The following STRBP variants were observed in gnomAD, a reference collection of about 807,000 sequenced individuals.
The protein encoded by STRBP is spermatid perinuclear RNA binding protein.
A neutral mutation model predicts 80.1 loss-of-function variants in STRBP; 13 were observed. The observed-to-expected ratio is 0.16, with a 90% CI of 0.11 to 0.26. STRBP has a LOEUF of 0.26. Among genes scored for constraint, STRBP ranks in the 10% least tolerant of loss-of-function variants. The pLI, the probability that STRBP is intolerant of heterozygous loss-of-function variation, is 1.00. For synonymous variants in STRBP, 284 were observed against 291.2 expected, an observed-to-expected ratio of 0.98 and a Z score of 0.25; for missense variants, 485 against 815.2, an observed-to-expected ratio of 0.59 and a Z score of 4.93.
intron 11 of STRBP, among the ~76,000 whole-genome samples, chr9:123,154,178 T>C (rs543789152): frequency 6.6e-6 from 1 of 152,266 alleles, no homozygotes; most frequent in East Asian, 1.9e-4. Flanking sequence ...CGGTAAGTGG[T>C]TGTCAAAACT....
chr9:123,122,418 T>A lies in STRBP; in HGVS notation c.*3179A>T. ...ATTAATAATGGTGGCTGATTCATGA[T>A]TTTCAAACATTCACCCAAAATTAAA... is the stretch of plus-strand genomic sequence containing the variant. On this transcript the variant is annotated 3_prime_UTR_variant, in exon 19 of 19. Coordinates refer to ENST00000348403, the MANE Select transcript of STRBP (RefSeq NM_018387.5). The A allele has an allele frequency of 8.5e-7, 1 of 1,182,524 alleles. No individual in the cohort carries two copies. The highest frequency in any genetic ancestry group is 1.1e-6 in the Non-Finnish European group (1 of 942,468). The allele number at this position is 1,182,524 out of a possible 1,614,324, so 73.3% of individuals were successfully genotyped here.
chr9:123,261,321 A>C (rs2041157026), intron 1 of STRBP, among the ~76,000 whole-genome samples: 1 of 152,230 alleles, frequency 6.6e-6, no homozygotes, highest in Non-Finnish European at 1.5e-5. Context: ...TTGCTCAGCC[A>C]TCAATCTTCC....
Position 123,146,861 on chromosome 9 carries a change from C to T in STRBP, c.1332G>A (p.Ala444=), listed in dbSNP as rs550403018. 111 of 1,610,026 alleles carry T rather than the reference C, an allele frequency of 6.9e-5. No homozygotes were observed. Among genetic ancestry groups the T allele is most frequent in the Non-Finnish European group, 8.7e-5 (102 of 1,177,224 alleles). ...AGTAAAACAAATACTGTACCTTCAC[C>T]GCTACGTGAAGTTTTGCTGTTTTCT... ...PSKKTAKLHV[A]VKVLQAMGYP... The change falls in exon 13 of 19, where the codon GCG becomes GCA. Residue 444 remains alanine (A), a synonymous_variant. Transcript: ENST00000348403.
intron 1 of STRBP, among the ~76,000 whole-genome samples, chr9:123,238,274 T>G (rs773421279): frequency 1.7e-4 from 26 of 152,132 alleles, no homozygotes; most frequent in Non-Finnish European, 3.1e-4. Context: ...ATAGCAAGAC[T>G]CCCATTTCTA....
Position 123,126,093 on chromosome 9 carries a change from C to G in STRBP, c.1943-420G>C, listed in dbSNP as rs2035882815. The stretch of plus-strand genomic sequence containing the variant: ...TGCAGACCTCAGCTCCAGCTGGAGC[C>G]ATGGCCAGGCGTTTACTTAACTTCT... On this transcript the variant is annotated intron_variant, in intron 18 of 18. Transcript: ENST00000348403. This position sits in a 1 kb window ranked among gnomAD's most constrained non-coding sequence, Gnocchi z 4.4. Among the ~76,000 whole-genome samples the G allele has an allele frequency of 6.6e-6, 1 of 152,240 alleles. No homozygotes were observed. Among genetic ancestry groups the G allele is most frequent in the Non-Finnish European group, 1.5e-5 (1 of 68,042 alleles).
chr9:123,200,003 T>C (rs866884991), intron 2 of STRBP, among the ~76,000 whole-genome samples: 1 of 152,250 alleles, frequency 6.6e-6, no homozygotes, highest in Admixed American at 6.5e-5. Context: ...GGCTGTGCGT[T>C]AGTCATAGAC....
At chr9:123,259,304 C>T (rs546606243) in intron 1 of STRBP, among the ~76,000 whole-genome samples, 14 of 151,972 alleles carry the variant, frequency 9.2e-5, no homozygotes, top group Non-Finnish European at 2.1e-4. Flanking sequence ...AAAAGGGACA[C>T]GGGGAAGAGG....
chr9:123,249,486 A>T (rs542345074), intron 1 of STRBP, among the ~76,000 whole-genome samples: 16 of 151,654 alleles, frequency 1.1e-4, no homozygotes, highest in African/African-American at 3.1e-4. Context: ...CAAAAAAATT[A>T]AAAAACTAGC....
intron 2 of STRBP, among the ~76,000 whole-genome samples, chr9:123,203,790 G>C (rs1314737013): frequency 1.3e-5 from 2 of 152,066 alleles, no homozygotes; most frequent in Non-Finnish European, 2.9e-5. Context: ...TGACCAATAT[G>C]GTGAAACCCT....
At chr9:123,188,031 C>G (rs1056460570) in intron 2 of STRBP, among the ~76,000 whole-genome samples, 3 of 152,064 alleles carry the variant, frequency 2.0e-5, no homozygotes, top group African/African-American at 7.2e-5. Flanking sequence ...TTCCCACCTT[C>G]CCCACCCCCA....
chr9:123,256,020 T>C (rs1452851839), intron 1 of STRBP, among the ~76,000 whole-genome samples: 1 of 74,154 alleles, frequency 1.3e-5, no homozygotes, highest in Admixed American at 1.5e-4. Context: ...CTTTCTTTCT[T>C]TTTTTTTTTT....
At position 123,173,760 on chromosome 9, in the gene STRBP, A is replaced by G. The variant is rs756697661; in HGVS notation, c.307T>C (p.Leu103=). The G allele has an allele frequency of 1.2e-6, 2 of 1,613,888 alleles. No homozygotes were observed. Among genetic ancestry groups the G allele is most frequent in the African/African-American group, 2.7e-5 (2 of 74,918 alleles). The change falls in exon 5 of 19, where the codon TTG becomes CTG. Residue 103 remains leucine (L), a synonymous_variant. Coordinates refer to ENST00000348403, the MANE Select transcript of STRBP (RefSeq NM_018387.5). ...TCTTTGCACATTAAAACCAGCTCCA[A>G]GTCCATATCATCTTTAATCAGCAAG... The part of the protein sequence containing the change: ...KGLLIKDDMD[L]ELVLMCKDKP...
At chr9:123,229,388 T>C (rs1193957655) in intron 2 of STRBP, among the ~76,000 whole-genome samples, 1 of 152,100 alleles carries the variant, frequency 6.6e-6, no homozygotes, top group East Asian at 1.9e-4. Context: ...AGGAAGGAAA[T>C]TAAAAACAGT....
intron 6 of STRBP, among the ~76,000 whole-genome samples, chr9:123,164,260 T>C (rs1201446346): frequency 6.6e-6 from 1 of 152,160 alleles, no homozygotes; most frequent in Non-Finnish European, 1.5e-5. Context: ...TTGGCCAGAC[T>C]GGACTTGAAC....
At chr9:123,159,396 T>G (rs1372765310) in intron 8 of STRBP, among the ~76,000 whole-genome samples, 189 bp from the exon 9 acceptor site, 2 of 152,186 alleles carry the variant, frequency 1.3e-5, no homozygotes, top group Non-Finnish European at 2.9e-5. Flanking sequence ...AATCAAGCAA[T>G]TTTAAGATCG....
chr9:123,150,582 A>C (rs932462277), intron 11 of STRBP, among the ~76,000 whole-genome samples: 5 of 152,150 alleles, frequency 3.3e-5, no homozygotes, highest in African/African-American at 1.2e-4. Flanking sequence ...TGTTTTCTTA[A>C]ATAAATAAAT....
At chr9:123,234,019 T>C (rs1254814900) in intron 2 of STRBP, among the ~76,000 whole-genome samples, 2 of 151,630 alleles carry the variant, frequency 1.3e-5, no homozygotes, top group East Asian at 3.9e-4. Context: ...GCTAATACGG[T>C]GAAATCCCGT....
chr9:123,158,504 G>A, intron 9 of STRBP, 75 bp from the exon 10 acceptor site: 1 of 1,287,704 alleles, frequency 7.8e-7, no homozygotes, highest in South Asian at 1.3e-5. Flanking sequence ...AAAGAGAGAT[G>A]GCTGGGGAGA....
rs2036362188 is a variant in STRBP, at chr9:123,136,588, T to C, written c.1498-73A>G. On this transcript the variant is annotated intron_variant, in intron 14 of 18. Coordinates refer to ENST00000348403, the MANE Select transcript of STRBP (RefSeq NM_018387.5). The surrounding 1 kb of genome is among the most constrained non-coding windows in gnomAD (Gnocchi z 4.2). The stretch of plus-strand genomic sequence containing the variant: ...ATATTACATTTCTTATTAATACAAT[T>C]ATGCTAAGAAGGAGGCTCAAAAATT... 3.9e-6 allele frequency: 6 copies of C among 1,534,596 alleles called. No individual in the cohort carries two copies. The highest frequency in any genetic ancestry group is 1.4e-5 in the African/African-American group (1 of 71,626).
Sources: gnomAD v4.1 joint callset for allele counts (sites outside exome capture counted in the v4.1 genomes callset) on GRCh38, gnomAD v4.1.1 for gene constraint, Gnocchi (gnomAD v3.1) non-coding constraint, MANE v1.5 for transcripts, NCBI Gene and HGNC (gene_info 2026-07-23, HGNC 2026-07-21) for gene names.